SLC26A4: variants seen among roughly 807,000 people sequenced by gnomAD.
SLC26A4 encodes the protein solute carrier family 26 member 4.
A neutral mutation model predicts 90.4 loss-of-function variants in SLC26A4; 93 were observed. The observed-to-expected ratio is 1.03, with a 90% CI of 0.87 to 1.22. The LOEUF is 1.22. Among genes scored for constraint, SLC26A4 ranks in the 50% most tolerant of loss-of-function variants. SLC26A4 has a pLI of 0.00. For missense variants in SLC26A4, 1,127 were observed against 946.2 expected (o/e 1.19, Z -2.51); for synonymous variants, 393 against 354.6 (o/e 1.11, Z -1.22).
At chr7:107,682,888 TTTA>T (rs957922278) in intron 6 of SLC26A4, among the ~76,000 whole-genome samples, 1 of 152,198 alleles carries the variant, frequency 6.6e-6, no homozygotes. Context: ...TTAAGACATC[TTTA>T]TTATTATCAT....
At chr7:107,687,646 G>C (rs906903977) in intron 8 of SLC26A4, among the ~76,000 whole-genome samples, 20 of 152,158 alleles carry the variant, frequency 1.3e-4, no homozygotes, top group African/African-American at 4.8e-4. Context: ...TGCACACCTG[G>C]ATAATCAAGG....
At chr7:107,666,232 A>AT (rs928921837) in intron 3 of SLC26A4, among the ~76,000 whole-genome samples, 6 of 152,036 alleles carry the variant, frequency 3.9e-5, no homozygotes, top group African/African-American at 1.2e-4. Context: ...TTATTTTTAT[A>AT]TTTTTTTGAG....
intron 8 of SLC26A4, among the ~76,000 whole-genome samples, chr7:107,685,091 T>C (rs1019554764): frequency 1.3e-5 from 2 of 152,158 alleles, no homozygotes; most frequent in Admixed American, 1.3e-4. Context: ...CTTGGTCAGC[T>C]AATTTAACCT....
At chr7:107,712,216 A>G (rs1400303931) in intron 19 of SLC26A4, among the ~76,000 whole-genome samples, 2 of 152,328 alleles carry the variant, frequency 1.3e-5, no homozygotes, top group African/African-American at 4.8e-5. Flanking sequence ...CTCTTAGCTT[A>G]GCCATTGAGA....
chr7:107,705,444 T>C (rs983623280), intron 18 of SLC26A4, among the ~76,000 whole-genome samples: 34 of 152,206 alleles, frequency 2.2e-4, no homozygotes, highest in African/African-American at 7.2e-4. Context: ...ACCAAGGGTT[T>C]ATAGTATGCT....
intron 3 of SLC26A4, among the ~76,000 whole-genome samples, chr7:107,667,943 T>A (rs935047818): frequency 6.6e-6 from 1 of 152,076 alleles, no homozygotes; most frequent in African/African-American, 2.4e-5. Flanking sequence ...TAACTTTGAG[T>A]CTGGTGGAGA....
At position 107,674,095 on chromosome 7, in the gene SLC26A4, A is replaced by G; in HGVS notation, c.416-69A>G. 2.1e-6 allele frequency: 3 copies of G among 1,425,712 alleles called. No homozygotes were observed. In the South Asian group the frequency reaches 3.4e-5, roughly 16 times the overall value. The allele number at this position is 1,425,712 out of a possible 1,614,324, so 88.3% of individuals were successfully genotyped here. ...GCTAAATCTTTTATACATTTTTTAA[A>G]CCCTATGCAGACACATTGAACATTT... is the stretch of plus-strand genomic sequence containing the variant. On this transcript the variant is annotated intron_variant, in intron 4 of 20. Coordinates refer to ENST00000644269, the MANE Select transcript of SLC26A4 (RefSeq NM_000441.2).
chr7:107,713,665 A>C (rs945501905), intron 20 of SLC26A4, among the ~76,000 whole-genome samples: 2 of 152,216 alleles, frequency 1.3e-5, no homozygotes, highest in Non-Finnish European at 2.9e-5. Flanking sequence ...GATCTCATCA[A>C]GATATTCCTA....
chr7:107,696,114 T>C (rs1791736513), intron 13 of SLC26A4, 75 bp downstream of exon 13: 3 of 870,896 alleles, frequency 3.4e-6, no homozygotes, highest in Non-Finnish European at 6.0e-6. Flanking sequence ...TTTTGATAAA[T>C]ATAGTGAAGC....
intron 3 of SLC26A4, among the ~76,000 whole-genome samples, chr7:107,667,366 G>A (rs1351538637): frequency 2.0e-5 from 3 of 150,934 alleles, no homozygotes; most frequent in Non-Finnish European, 4.4e-5. Context: ...AAGGCAAGGA[G>A]AGGGGCAGCC....
intron 17 of SLC26A4, among the ~76,000 whole-genome samples, chr7:107,703,037 A>G (rs1791940851): frequency 6.6e-6 from 1 of 152,234 alleles, no homozygotes; most frequent in Non-Finnish European, 1.5e-5. Flanking sequence ...CTGTCAACAA[A>G]TAGATGTGAA....
At chr7:107,702,126 G>A in intron 17 of SLC26A4, 69 bp downstream of exon 17, 1 of 996,164 alleles carries the variant, frequency 1.0e-6, no homozygotes, top group South Asian at 1.3e-5. Flanking sequence ...GGGTTGTCCA[G>A]TATTGCAACA....
rs1049726315 is a variant in SLC26A4, at chr7:107,694,328, A to T, written c.1264-75A>T. The T allele has an allele frequency of 7.2e-6, 8 of 1,113,166 alleles. No homozygotes were observed. The African/African-American group carries it at 1.2e-4, about 17-fold the overall frequency. 69.0% of individuals were successfully genotyped at this position (1,113,166 alleles called of 1,614,324 possible). On this transcript the variant is annotated intron_variant, in intron 10 of 20. Transcript: ENST00000644269. ...AGTGTGTCTGTGAACAGGCTGTCTC[A>T]TACACACATCCAGTGAGCTGGAAGA...
chr7:107,687,475 A>G (rs765633621), intron 8 of SLC26A4, among the ~76,000 whole-genome samples: 3 of 152,196 alleles, frequency 2.0e-5, no homozygotes, highest in Non-Finnish European at 4.4e-5. Context: ...GACACTAATT[A>G]CTTACTTACA....
rs1554352240 is a variant in SLC26A4 at position 107,661,728 on chromosome 7, G to T, written c.87G>T (p.Glu29Asp). The change falls in exon 2 of 21, where the codon GAG (glutamate) becomes GAT (aspartate). Residue 29 changes from glutamate to aspartate, a missense_variant. Transcript: ENST00000644269. The surrounding 1 kb of genome is among the most constrained non-coding windows in gnomAD (Gnocchi z 5.1). Reference sequence around the variant, plus strand: ...TGGTGTCGCGGCCGGTCTACAGCGAGCTCGCTTTCCAGCAACAGCACGAGC... The same window carrying T: ...TGGTGTCGCGGCCGGTCTACAGCGATCTCGCTTTCCAGCAACAGCACGAGC... ...SYMVSRPVYS[E>D]LAFQQQHERR... is the part of the protein sequence containing the mutation. 1.9e-6 allele frequency: 3 copies of T among 1,557,232 alleles called. No homozygotes were observed. The highest frequency in any genetic ancestry group is 2.4e-5 in the South Asian group (2 of 84,976).
chr7:107,691,514 T>TATATACAC (rs1417607238), intron 10 of SLC26A4, among the ~76,000 whole-genome samples: 7 of 131,042 alleles, frequency 5.3e-5, no homozygotes, highest in South Asian at 2.6e-4. Flanking sequence ...AATATATATA[T>TATATACAC]ACACACACAC....
Position 107,710,504 on chromosome 7 carries a change from T to A in SLC26A4, c.2235+305T>A, listed in dbSNP as rs371139828. Among the ~76,000 whole-genome samples the A allele has an allele frequency of 3.3e-5, 5 of 152,236 alleles. No homozygotes were observed. The East Asian group carries it at 7.7e-4, about 23-fold the overall frequency. On this transcript the variant is annotated intron_variant, in intron 19 of 20. Transcript: ENST00000644269. ...TATAATGCCTTTTAAGAATATTGAA[T>A]CTTGGATCTTTTGTGATCTGGGATT...
intron 16 of SLC26A4, among the ~76,000 whole-genome samples, chr7:107,701,416 T>A (rs1266686271): frequency 6.6e-6 from 1 of 152,208 alleles, no homozygotes; most frequent in Non-Finnish European, 1.5e-5. Flanking sequence ...GGATGTGATT[T>A]TTTTCCCCAC....
intron 19 of SLC26A4, 81 bp from the exon 20 acceptor site, chr7:107,712,458 A>G: frequency 1.3e-6 from 1 of 786,708 alleles, no homozygotes; most frequent in South Asian, 1.4e-5. Flanking sequence ...GAGAAGCACC[A>G]GGAAAGCTTC....
Sources: allele counts gnomAD v4.1 joint callset (sites outside exome capture counted in the v4.1 genomes callset), GRCh38; gene constraint gnomAD v4.1.1; non-coding constraint Gnocchi (gnomAD v3.1); transcripts MANE v1.5; gene names NCBI Gene and HGNC (gene_info 2026-07-23, HGNC 2026-07-21).